Variants in CNTN4 observed in about 807,000 individuals in gnomAD.
CNTN4 encodes contactin 4.
CNTN4 carries 77 observed loss-of-function variants against 122.5 expected under a neutral mutation model. The observed-to-expected ratio is 0.63, with a 90% CI of 0.52 to 0.76. The LOEUF (loss-of-function observed/expected upper bound fraction) is 0.76, where lower values mean the gene tolerates loss of function less well. Ranked by LOEUF, CNTN4 falls within the 30% of genes least tolerant of loss-of-function variation. The pLI, the probability that CNTN4 is intolerant of heterozygous loss-of-function variation, is 0.00. For missense variants in CNTN4, 1,256 were observed against 1,259.1 expected (o/e 1.00, Z 0.04); for synonymous variants, 512 against 447.0 (o/e 1.15, Z -1.83).
intron 12 of CNTN4, among the ~76,000 whole-genome samples, chr3:2,913,383 C>T (rs958234611): frequency 1.3e-5 from 2 of 152,088 alleles, no homozygotes; most frequent in African/African-American, 4.8e-5. Flanking sequence ...GGATTAAAAA[C>T]AAACAGGATC....
intron 2 of CNTN4, among the ~76,000 whole-genome samples, chr3:2,111,089 TA>T (rs1326455174): frequency 6.6e-6 from 1 of 152,192 alleles, no homozygotes; most frequent in East Asian, 1.9e-4. Context: ...TCTTACTAGT[TA>T]CTAGAGTCTA....
At chr3:2,347,338 C>T (rs768739355) in intron 3 of CNTN4, among the ~76,000 whole-genome samples, 3 of 128,108 alleles carry the variant, frequency 2.3e-5, no homozygotes, top group Non-Finnish European at 5.0e-5. Context: ...AATTGACACA[C>T]GTCATTTTTC....
At chr3:2,286,528 G>A (rs1168113408) in intron 2 of CNTN4, among the ~76,000 whole-genome samples, 1 of 151,874 alleles carries the variant, frequency 6.6e-6, no homozygotes, top group East Asian at 1.9e-4. Context: ...TTCTAAATAG[G>A]ACCACTGTTT....
rs143680950 is a variant in CNTN4 at position 2,674,279 on chromosome 3, AT to A, written c.56-61930del. Among the ~76,000 whole-genome samples, 1,203 of 151,832 alleles carry A rather than the reference AT, an allele frequency of 7.9e-3. 19 individuals carry two copies. Among genetic ancestry groups the A allele is most frequent in the African/African-American group, 0.027 (1,122 of 41,402 alleles). On this transcript the variant is annotated intron_variant, in intron 4 of 24. Coordinates refer to ENST00000418658, the MANE Select transcript of CNTN4 (RefSeq NM_175607.3). ...AATTCCTCATCACGTTTTTTTTTATATTTTTTAATTGACACATAATTGCATA... is the reference window on the plus strand; with the variant it reads ...AATTCCTCATCACGTTTTTTTTTATATTTTTAATTGACACATAATTGCATA...
rs139570574 is a variant in CNTN4, at chr3:2,826,894, T to C, written c.454+7313T>C. ...CTGGTTCCTGGGTTTACCAGTTTTA[T>C]ATAATTTTAGATTTTCAGCTGCCTC... On this transcript the variant is annotated intron_variant, in intron 7 of 24. Coordinates refer to ENST00000418658, the MANE Select transcript of CNTN4 (RefSeq NM_175607.3). 8.7e-3 allele frequency among the ~76,000 whole-genome samples: 1,324 copies of C among 152,318 alleles called. 26 individuals carry two copies. Among genetic ancestry groups the C allele is most frequent in the African/African-American group, 0.03 (1,249 of 41,558 alleles).
At chr3:2,741,500 G>C (rs1193068842) in intron 5 of CNTN4, among the ~76,000 whole-genome samples, 1 of 152,160 alleles carries the variant, frequency 6.6e-6, no homozygotes, top group African/African-American at 2.4e-5. Flanking sequence ...AAAGCAGAAG[G>C]CCGCTGTTCA....
chr3:3,017,774 C>T (rs1439746694), intron 14 of CNTN4, among the ~76,000 whole-genome samples: 1 of 152,212 alleles, frequency 6.6e-6, no homozygotes, highest in Admixed American at 6.5e-5. Flanking sequence ...AAAAACTTCG[C>T]TTATAAGATG....
At chr3:2,547,177 C>T (rs910609992) in intron 3 of CNTN4, among the ~76,000 whole-genome samples, 11 of 152,006 alleles carry the variant, frequency 7.2e-5, no homozygotes, top group East Asian at 1.9e-4. Flanking sequence ...TCTACTAATA[C>T]GAGTGTCTTT....
chr3:2,666,976 A>C (rs1159979464), intron 4 of CNTN4, among the ~76,000 whole-genome samples: 3 of 151,928 alleles, frequency 2.0e-5, no homozygotes, highest in Non-Finnish European at 4.4e-5. Context: ...ACATTTTCTT[A>C]ATCCACTCTA....
intron 24 of CNTN4, 24 bp downstream of exon 24, chr3:3,053,999 T>C (rs746104660): frequency 3.7e-6 from 6 of 1,611,616 alleles, no homozygotes; most frequent in Non-Finnish European, 3.4e-6. Context: ...TTTTTCTCCC[T>C]TTTCTCCTGC....
intron 4 of CNTN4, among the ~76,000 whole-genome samples, chr3:2,698,816 G>A (rs1160232656): frequency 2.0e-5 from 3 of 152,112 alleles, no homozygotes; most frequent in Non-Finnish European, 2.9e-5. Flanking sequence ...TCAGGAGTTC[G>A]AGATCAGCCT....
In CNTN4 at chr3:2,656,063, G is replaced by A. The variant is rs144751952; in HGVS notation, c.56-80152G>A. On this transcript the variant is annotated intron_variant, in intron 4 of 24. Transcript: ENST00000418658. ...AAGATAAGAATGTTTTATTGTCCTC[G>A]AGGCATTAGAATTGTAACCGTATTT... Among the ~76,000 whole-genome samples the A allele has an allele frequency of 3.9e-4, 60 of 152,274 alleles. No homozygotes were observed. The East Asian group carries it at 7.7e-3, about 20-fold the overall frequency.
intron 3 of CNTN4, chr3:2,511,337 G>A (rs755543146): frequency 6.6e-6 from 1 of 152,216 alleles, no homozygotes; most frequent in Non-Finnish European, 1.5e-5. Flanking sequence ...GAACAAACTT[G>A]ATTTCCTAAT....
intron 2 of CNTN4, among the ~76,000 whole-genome samples, chr3:2,124,474 C>CACACACACACACA (rs1559265723): frequency 2.5e-4 from 27 of 107,660 alleles, no homozygotes; most frequent in East Asian, 1.6e-3. Flanking sequence ...ACACACACAC[C>CACACACACACACA]CCCTTAAGCA....
At chr3:2,363,232 C>A (rs535669505) in intron 3 of CNTN4, among the ~76,000 whole-genome samples, 1 of 152,224 alleles carries the variant, frequency 6.6e-6, no homozygotes, top group African/African-American at 2.4e-5. Flanking sequence ...TAGTATTTTT[C>A]AAATGTCTCC....
At chr3:2,825,658 C>T (rs576417593) in intron 7 of CNTN4, among the ~76,000 whole-genome samples, 20 of 152,262 alleles carry the variant, frequency 1.3e-4, no homozygotes, top group African/African-American at 4.1e-4. Context: ...CACTGCTCTC[C>T]AGACTGGGCA....
intron 2 of CNTN4, among the ~76,000 whole-genome samples, chr3:2,115,401 G>T (rs1231997649): frequency 2.0e-5 from 3 of 152,134 alleles, no homozygotes; most frequent in African/African-American, 4.8e-5. Context: ...CCCAAAGTTG[G>T]TTATTCTTTC....
chr3:2,348,014 T>C (rs1355064319), intron 3 of CNTN4, among the ~76,000 whole-genome samples: 1 of 152,186 alleles, frequency 6.6e-6, no homozygotes, highest in Admixed American at 6.5e-5. Flanking sequence ...AATTTTTTCA[T>C]GGTAGTTTTT....
chr3:2,724,881 GAGA>G (rs951782134), intron 4 of CNTN4, among the ~76,000 whole-genome samples: 3 of 151,944 alleles, frequency 2.0e-5, no homozygotes, highest in Admixed American at 1.3e-4. Context: ...TTGTTTAGAT[GAGA>G]AGGAGGATGG....
Sources: allele counts gnomAD v4.1 joint callset (sites outside exome capture counted in the v4.1 genomes callset), GRCh38; gene constraint gnomAD v4.1.1; transcripts MANE v1.5; gene names NCBI Gene and HGNC (gene_info 2026-07-23, HGNC 2026-07-21).